MICALL2: variants seen among roughly 807,000 people sequenced by gnomAD.
MICALL2 encodes the protein MICAL-like protein 2.
Under a neutral mutation model 91.1 loss-of-function variants are expected in MICALL2, and 111 were observed. The observed-to-expected ratio is 1.22, with a 90% CI of 1.04 to 1.43. MICALL2 has a LOEUF of 1.43. Among genes scored for constraint, MICALL2 ranks in the 40% most tolerant of loss-of-function variants. The probability of loss-of-function intolerance (pLI) is 0.00; values close to 1 mark genes in which losing one functional copy is unlikely to be tolerated. For synonymous variants in MICALL2, 694 were observed against 525.3 expected (o/e 1.32, Z -4.39); for missense variants, 1,556 against 1,236.0 (o/e 1.26, Z -3.88).
At chr7:1,457,453 GC>G (rs1413506518) in intron 1 of MICALL2, among the ~76,000 whole-genome samples, 2 of 152,190 alleles carry the variant, frequency 1.3e-5, no homozygotes, top group Non-Finnish European at 2.9e-5. Flanking sequence ...GCCACCCTGG[GC>G]TTTTATTCAT....
chr7:1,459,197 G>C lies in MICALL2; in HGVS notation c.130C>G (p.Arg44Gly). The change falls in exon 1 of 17, where the codon CGG (arginine) becomes GGG (glycine). Residue 44 changes from arginine (R) to glycine (G), a missense_variant. By Grantham distance (125) the Arg-to-Gly change is moderately radical (BLOSUM62 -2). Transcript: ENST00000297508. ...GGCAGGACTTACATGAGGTCGGGCC[G>C]GTGGCGGTGCAGGATGGCGCAGAAA... is the stretch of plus-strand genomic sequence containing the variant. ...LAFCAILHRH[R>G]PDLINFSALK... The C allele has an allele frequency of 3.7e-6, 6 of 1,610,062 alleles. No individual in the cohort carries two copies. The highest frequency in any genetic ancestry group is 5.1e-6 in the Non-Finnish European group (6 of 1,178,580).
At chr7:1,442,796 G>A (rs1018306342) in intron 6 of MICALL2, among the ~76,000 whole-genome samples, 3 of 152,174 alleles carry the variant, frequency 2.0e-5, no homozygotes, top group African/African-American at 7.2e-5. Context: ...CTCCTCCCCT[G>A]TGAAATCCAG....
In MICALL2 at chr7:1,437,555, C is replaced by T. The variant is rs1440665915; in HGVS notation, c.2456G>A (p.Arg819His). 2.6e-6 allele frequency: 4 copies of T among 1,531,508 alleles called. No individual in the cohort carries two copies. In the Admixed American group the frequency reaches 8.1e-5, roughly 31 times the overall value. 94.9% of individuals were successfully genotyped at this position (1,531,508 alleles called of 1,614,324 possible). The change falls in exon 14 of 17, where the codon CGC becomes CAC. Residue 819 changes from arginine (R) to histidine (H), a missense_variant. By Grantham distance (29) the Arg-to-His change is conservative. Coordinates refer to ENST00000297508, the MANE Select transcript of MICALL2 (RefSeq NM_182924.4). ...CGCACCGGGCTTGGCCATGAGCCGG[C>T]GCAGCTCGCCCTCGATGTCCAGCTG... is the stretch of plus-strand genomic sequence containing the variant. ...EQQLDIEGEL[R>H]RLMAKPEALK...
chr7:1,440,065 G>C lies in MICALL2; in HGVS notation c.1826C>G (p.Pro609Arg). Residue 609 changes from proline to arginine, a missense_variant, in exon 9 of 17, where the codon CCA becomes CGA. Transcript: ENST00000297508. ...CGCCCTCGGCTCTGCCAGGGCCCGTGGTTCCTTGGGCTTCAGAGTCCTGGG... is the reference window on the plus strand; with the variant it reads ...CGCCCTCGGCTCTGCCAGGGCCCGTCGTTCCTTGGGCTTCAGAGTCCTGGG... ...PAERTLKPKE[P>R]RALAEPRAGE... 6.3e-7 allele frequency: 1 copy of C among 1,587,694 alleles called. No individual in the cohort carries two copies. Among genetic ancestry groups the C allele is most frequent in the Non-Finnish European group, 8.5e-7 (1 of 1,171,780 alleles).
Position 1,459,398 on chromosome 7 carries a change from GC to G in MICALL2, c.-73del, listed in dbSNP as rs1158056607. ...CCCGCGGCTGTGCCGCGACCGCCCG[GC>G]CGGCGGGACAGACGCTGGGACCGCT... On this transcript the variant is annotated 5_prime_UTR_variant, in exon 1 of 17. Coordinates refer to ENST00000297508, the MANE Select transcript of MICALL2 (RefSeq NM_182924.4). The G allele has an allele frequency of 3.0e-6, 4 of 1,350,006 alleles. No individual in the cohort carries two copies. Among genetic ancestry groups the G allele is most frequent in the Non-Finnish European group, 3.8e-6 (4 of 1,047,144 alleles). 83.6% of individuals were successfully genotyped at this position (1,350,006 alleles called of 1,614,324 possible). A position where few individuals can be genotyped will look rare whatever the true frequency, so the allele number is the denominator to read the frequency against.
chr7:1,447,547 C>G, intron 4 of MICALL2, 28 bp downstream of exon 4: 1 of 1,377,404 alleles, frequency 7.3e-7, no homozygotes, highest in Non-Finnish European at 9.8e-7. Context: ...ACCCAGAGAA[C>G]CAGGGGGAGG....
Position 1,442,213 on chromosome 7 carries a change from T to C in MICALL2, c.1690A>G (p.Lys564Glu). 6.2e-7 allele frequency: 1 copy of C among 1,612,712 alleles called. No individual in the cohort carries two copies. Among genetic ancestry groups the C allele is most frequent in the Non-Finnish European group, 8.5e-7 (1 of 1,179,894 alleles). ...PKPEAPMAKG[K>E]STTLTQDMST... ...TCACCCTGCGTTAAGGTGGTGCTTT[T>C]ACCCTTTGCCATCGGGGCCTCTGGC... Residue 564 changes from lysine to glutamate, a missense_variant, in exon 7 of 17, where the codon AAA (lysine) becomes GAA (glutamate). Lys to Glu is a moderately conservative substitution (Grantham distance 56). Transcript: ENST00000297508.
At position 1,446,840 on chromosome 7, in the gene MICALL2, G is replaced by T; in HGVS notation, c.526-12C>A. On this transcript the variant is annotated splice_polypyrimidine_tract_variant and intron_variant, in intron 4 of 16. Coordinates refer to ENST00000297508, the MANE Select transcript of MICALL2 (RefSeq NM_182924.4). Reference sequence around the variant, plus strand: ...GCCAATGCCTGGTCCTGGGGAAGATGCCAGCACCTCTCTGAGCAGCCGTCC... The same window carrying T: ...GCCAATGCCTGGTCCTGGGGAAGATTCCAGCACCTCTCTGAGCAGCCGTCC... 1 of 1,554,340 alleles carries T rather than the reference G, an allele frequency of 6.4e-7. No individual in the cohort carries two copies.
chr7:1,455,250 CCAGCCCCGA>C (rs1158851590), intron 1 of MICALL2, among the ~76,000 whole-genome samples: 1 of 152,206 alleles, frequency 6.6e-6, no homozygotes, highest in African/African-American at 2.4e-5. Context: ...CAGAGCTGCT[CCAGCCCCGA>C]CAGGCTGACT....
chr7:1,447,717 T>C lies in MICALL2; in HGVS notation c.383A>G (p.Glu128Gly). 1.9e-6 allele frequency: 3 copies of C among 1,577,036 alleles called. No homozygotes were observed. The highest frequency in any genetic ancestry group is 2.6e-6 in the Non-Finnish European group (3 of 1,162,356). ...VKRASEDSEE[E>G]PSGKKAPVQA... ...GACTGGAGCCTTCTTCCCTGACGGC[T>C]CCTCCTCAGAGTCCTCCGAGGCCCT... The change falls in exon 4 of 17, where the codon GAG (glutamate) becomes GGG (glycine). Residue 128 changes from glutamate to glycine, a missense_variant. Physicochemically the swap from Glu to Gly is moderately conservative, Grantham distance 98. Coordinates refer to ENST00000297508, the MANE Select transcript of MICALL2 (RefSeq NM_182924.4).
intron 1 of MICALL2, among the ~76,000 whole-genome samples, chr7:1,454,834 C>T (rs770879463): frequency 1.4e-4 from 22 of 152,306 alleles, no homozygotes; most frequent in Middle Eastern, 3.4e-3. Flanking sequence ...CGGGGAGCCC[C>T]GCCACCCTTG....
At position 1,446,699 on chromosome 7, in the gene MICALL2, G is replaced by C. The variant is rs1185145298; in HGVS notation, c.641+14C>G. 6.4e-7 allele frequency: 1 copy of C among 1,569,846 alleles called. No homozygotes were observed. Among genetic ancestry groups the C allele is most frequent in the Admixed American group, 1.8e-5 (1 of 55,700 alleles). On this transcript the variant is annotated intron_variant, in intron 5 of 16. Coordinates refer to ENST00000297508, the MANE Select transcript of MICALL2 (RefSeq NM_182924.4). ...AGGTGCACACTCAGGCGTGCGGGCA[G>C]AGGGCAGCCCCACCTGAAGCAGCTC...
intron 16 of MICALL2, 116 bp downstream of exon 16, chr7:1,434,985 G>GCCCCCCCCCCCCCCCCCCCCC: frequency 3.9e-6 from 1 of 255,664 alleles, no homozygotes; most frequent in Non-Finnish European, 7.4e-6. Context: ...CCCGATACCC[G>GCCCCCCCCCCCCCCCCCCCCC]CCCCCCCCCC....
rs1008877485 is a variant in MICALL2, at chr7:1,437,673, C to G, written c.2403-65G>C. 3 of 1,483,374 alleles carry G rather than the reference C, an allele frequency of 2.0e-6. No homozygotes were observed. In the Admixed American group the frequency reaches 6.0e-5, roughly 30 times the overall value. 91.9% of individuals were successfully genotyped at this position (1,483,374 alleles called of 1,614,324 possible). On this transcript the variant is annotated intron_variant, in intron 13 of 16. Coordinates refer to ENST00000297508, the MANE Select transcript of MICALL2 (RefSeq NM_182924.4). ...CCTGTCCCCCGCCTGGCCCGCCCAG[C>G]CCGCAACGAGGTCCTGGACCTGCCA...
chr7:1,442,489 A>G lies in MICALL2; in HGVS notation c.1419-5T>C, dbSNP rs766183278. ...GCGGCAGTGGCTGGGGAGGGCCTAT[A>G]AGTAAAAGCGCAGGCATCAGGCACA... is the stretch of plus-strand genomic sequence containing the variant. On this transcript the variant is annotated splice_polypyrimidine_tract_variant and splice_region_variant and intron_variant, in intron 6 of 16. Coordinates refer to ENST00000297508, the MANE Select transcript of MICALL2 (RefSeq NM_182924.4). 1.3e-6 allele frequency: 2 copies of G among 1,524,060 alleles called. No individual in the cohort carries two copies. Among genetic ancestry groups the G allele is most frequent in the South Asian group, 1.3e-5 (1 of 76,642 alleles). The allele number at this position is 1,524,060 out of a possible 1,614,324, so 94.4% of individuals were successfully genotyped here. A position where few individuals can be genotyped will look rare whatever the true frequency, so the allele number is the denominator to read the frequency against.
Position 1,437,993 on chromosome 7 carries a change from G to A in MICALL2, c.2312-13C>T. On this transcript the variant is annotated splice_polypyrimidine_tract_variant and intron_variant, in intron 12 of 16. Transcript: ENST00000297508. ...TCCTCAGCGTCATCTGGGGAGAGGA[G>A]CCAGCTGGGGCAGGGGGGCCCGCCA... The A allele has an allele frequency of 6.4e-7, 1 of 1,550,702 alleles. No individual in the cohort carries two copies. Among genetic ancestry groups the A allele is most frequent in the Non-Finnish European group, 8.7e-7 (1 of 1,147,680 alleles).
At chr7:1,434,844 G>T in intron 16 of MICALL2, 172 bp from the exon 17 acceptor site, 1 of 762,920 alleles carries the variant, frequency 1.3e-6, no homozygotes, top group Non-Finnish European at 2.1e-6. Flanking sequence ...TGCCCCGACT[G>T]GGTGCCCCGG....
chr7:1,439,019 G>C, intron 9 of MICALL2, 24 bp from the exon 10 acceptor site: 2 of 1,567,598 alleles, frequency 1.3e-6, no homozygotes, highest in Non-Finnish European at 1.7e-6. Flanking sequence ...GGGAGACAGA[G>C]CCACGCTTCA....
In MICALL2 at chr7:1,452,509, CG is replaced by C. The variant is rs1780871483; in HGVS notation, c.144-2222del. Among the ~76,000 whole-genome samples the C allele has an allele frequency of 1.3e-5, 2 of 152,180 alleles. No individual in the cohort carries two copies. The highest frequency in any genetic ancestry group is 1.3e-4 in the Admixed American group (2 of 15,280). ...TCACTGACCAAAGCGGCCATGTCCCCGGAAAGAATGCCCGGACGGCCGGGAG... is the reference window on the plus strand; with the variant it reads ...TCACTGACCAAAGCGGCCATGTCCCCGAAAGAATGCCCGGACGGCCGGGAG... On this transcript the variant is annotated intron_variant, in intron 1 of 16. Transcript: ENST00000297508. The surrounding 1 kb of genome is among the most constrained non-coding windows in gnomAD (Gnocchi z 6.2).
Sources: allele counts gnomAD v4.1 joint callset (sites outside exome capture counted in the v4.1 genomes callset), GRCh38; gene constraint gnomAD v4.1.1; non-coding constraint Gnocchi (gnomAD v3.1); transcripts MANE v1.5; gene names NCBI Gene and HGNC (gene_info 2026-07-23, HGNC 2026-07-21).